Variants in PRKCE observed in about 807,000 individuals in gnomAD.
PRKCE encodes protein kinase C epsilon.
In PRKCE, 16 loss-of-function variants were observed where a neutral mutation model predicts 85.4. That is an observed-to-expected ratio of 0.19 (90% CI 0.13 to 0.28). The LOEUF is 0.28. PRKCE is among the 10% of genes least tolerant of loss of function. PRKCE has a pLI of 1.00. For synonymous variants in PRKCE, 388 were observed against 371.5 expected (o/e 1.04, Z -0.51); for missense variants, 573 against 975.2 (o/e 0.59, Z 5.49).
intron 1 of PRKCE, among the ~76,000 whole-genome samples, chr2:45,715,621 T>C (rs1161708700): frequency 6.6e-6 from 1 of 152,134 alleles, no homozygotes. Context: ...GTCTACAGGG[T>C]AGTCTATTCT....
At chr2:46,093,294 T>A (rs2103977426) in intron 11 of PRKCE, among the ~76,000 whole-genome samples, 1 of 152,182 alleles carries the variant, frequency 6.6e-6, no homozygotes, top group Admixed American at 6.5e-5. Context: ...GTGGAATAAC[T>A]CACCCGAGTT....
chr2:45,796,630 A>T (rs1687460205), intron 1 of PRKCE, among the ~76,000 whole-genome samples: 1 of 152,150 alleles, frequency 6.6e-6, no homozygotes, highest in Non-Finnish European at 1.5e-5. Context: ...GGTTGATATG[A>T]TATACTGGGT....
intron 1 of PRKCE, among the ~76,000 whole-genome samples, chr2:45,656,844 C>G (rs887961942): frequency 6.6e-6 from 1 of 152,194 alleles, no homozygotes; most frequent in African/African-American, 2.4e-5. Context: ...ATTAATGGAT[C>G]AAGCATTTTT....
intron 10 of PRKCE, among the ~76,000 whole-genome samples, chr2:46,032,610 T>TA (rs1310390787): frequency 6.6e-6 from 1 of 152,222 alleles, no homozygotes; most frequent in Non-Finnish European, 1.5e-5. Context: ...TGGGAGTTTT[T>TA]ATTGGCTAGG....
At chr2:46,053,484 C>T (rs1253570391) in intron 10 of PRKCE, among the ~76,000 whole-genome samples, 1 of 152,144 alleles carries the variant, frequency 6.6e-6, no homozygotes, top group East Asian at 1.9e-4. Context: ...ACTTTATGCC[C>T]ATTAAGCAGT....
chr2:45,651,863 C>G lies in PRKCE; in HGVS notation c.-238C>G. The G allele has an allele frequency of 2.4e-6, 1 of 424,498 alleles. No individual in the cohort carries two copies. Among genetic ancestry groups the G allele is most frequent in the South Asian group, 5.2e-5 (1 of 19,326 alleles). 26.3% of individuals were successfully genotyped at this position (424,498 alleles called of 1,614,324 possible). On this transcript the variant is annotated 5_prime_UTR_variant, in exon 1 of 15. Transcript: ENST00000306156. ...CGGGGGGAGAGACTTGCTCCAAACA[C>G]GGACATCCCCCAGCTCTCCCCCCTC...
chr2:46,165,499 C>T (rs1303610331), intron 14 of PRKCE, among the ~76,000 whole-genome samples: 2 of 152,198 alleles, frequency 1.3e-5, no homozygotes, highest in African/African-American at 4.8e-5. Flanking sequence ...CCAAAGCCTT[C>T]GATGCTGGAG....
At chr2:46,053,764 G>A (rs1350595138) in intron 10 of PRKCE, among the ~76,000 whole-genome samples, 1 of 27,912 alleles carries the variant, frequency 3.6e-5, no homozygotes, top group East Asian at 4.0e-4. Context: ...GGGTGGACAC[G>A]TGGGTGGACA....
chr2:46,016,662 A>G (rs1300734383), intron 10 of PRKCE, among the ~76,000 whole-genome samples: 1 of 152,140 alleles, frequency 6.6e-6, no homozygotes, highest in Non-Finnish European at 1.5e-5. Flanking sequence ...TAACCCCAGC[A>G]CTTTGGGAGG....
chr2:46,090,193 C>G (rs901878742), intron 11 of PRKCE, among the ~76,000 whole-genome samples: 4 of 152,052 alleles, frequency 2.6e-5, no homozygotes, highest in Non-Finnish European at 5.9e-5. Flanking sequence ...ACTCCTGGAG[C>G]TATTGATTCA....
chr2:45,751,494 A>G (rs1401442810), intron 1 of PRKCE, among the ~76,000 whole-genome samples: 4 of 105,906 alleles, frequency 3.8e-5, no homozygotes, highest in Non-Finnish European at 8.1e-5. Context: ...TAAAGTTTCC[A>G]TATTGTTTAT....
chr2:45,871,167 A>G (rs1477117932), intron 2 of PRKCE, among the ~76,000 whole-genome samples: 1 of 152,242 alleles, frequency 6.6e-6, no homozygotes, highest in Admixed American at 6.5e-5. Context: ...TGTTAACCAC[A>G]GAGATGGAAG....
chr2:45,671,706 A>G (rs1182385048), intron 1 of PRKCE, among the ~76,000 whole-genome samples: 1 of 152,206 alleles, frequency 6.6e-6, no homozygotes, highest in Non-Finnish European at 1.5e-5. Flanking sequence ...AGAGATATTC[A>G]TTAAATCTTC....
intron 2 of PRKCE, among the ~76,000 whole-genome samples, chr2:45,868,440 T>G (rs1693803603): frequency 6.6e-6 from 1 of 150,574 alleles, no homozygotes; most frequent in South Asian, 2.1e-4. Flanking sequence ...CCAACTCTCC[T>G]GAGCCCCTTT....
At chr2:46,085,736 GTTTTTTTTTTTTGTTTTTGTTTT>G (rs1444225103) in intron 10 of PRKCE, among the ~76,000 whole-genome samples, 6 of 104,548 alleles carry the variant, frequency 5.7e-5, no homozygotes, top group Non-Finnish European at 9.1e-5. Context: ...TGCAAAATCC[GTTTTTTTTTTTTGTTTTTGTTTT>G]TTTTTTTTTT....
intron 2 of PRKCE, among the ~76,000 whole-genome samples, chr2:45,971,560 G>C (rs192909876): frequency 7.7e-4 from 118 of 152,258 alleles, no homozygotes; most frequent in East Asian, 3.9e-4. Flanking sequence ...GTGTAACCAG[G>C]GTTGAAGACA....
intron 2 of PRKCE, among the ~76,000 whole-genome samples, chr2:45,873,391 G>T (rs952943099): frequency 2.6e-5 from 4 of 151,906 alleles, no homozygotes; most frequent in Non-Finnish European, 4.4e-5. Context: ...GTCACATGGT[G>T]GCTTGTTTGT....
At chr2:46,151,324 C>CACACACA in intron 13 of PRKCE, 95 bp downstream of exon 13, 1 of 1,127,318 alleles carries the variant, frequency 8.9e-7, no homozygotes, top group Non-Finnish European at 1.3e-6. Context: ...CACACACACA[C>CACACACA]TCCCTTCTCC....
At chr2:46,017,187 C>G (rs988907799) in intron 10 of PRKCE, among the ~76,000 whole-genome samples, 1 of 152,154 alleles carries the variant, frequency 6.6e-6, no homozygotes, top group South Asian at 2.1e-4. Flanking sequence ...AACCCTGAAA[C>G]TCAATACCCA....
Sources: allele counts gnomAD v4.1 joint callset (sites outside exome capture counted in the v4.1 genomes callset), GRCh38; gene constraint gnomAD v4.1.1; transcripts MANE v1.5; gene names NCBI Gene and HGNC (gene_info 2026-07-23, HGNC 2026-07-21).